Variants in TRERF1 observed in about 807,000 individuals in gnomAD.
TRERF1 encodes transcriptional regulating factor 1.
In TRERF1, 27 loss-of-function variants were observed where a neutral mutation model predicts 122.9. The ratio of observed to expected loss-of-function variants is 0.22; its 90% confidence interval spans 0.16 to 0.30. The LOEUF (loss-of-function observed/expected upper bound fraction) is 0.30, where lower values mean the gene tolerates loss of function less well. Among genes scored for constraint, TRERF1 ranks in the 10% least tolerant of loss-of-function variants. The pLI, the probability that TRERF1 is intolerant of heterozygous loss-of-function variation, is 1.00. For synonymous variants in TRERF1, 636 were observed against 641.7 expected (o/e 0.99, Z 0.13); for missense variants, 1,248 against 1,560.3 (o/e 0.80, Z 3.37).
At position 42,268,422 on chromosome 6, in the gene TRERF1, AG is replaced by A; in HGVS notation, c.1168del (p.Leu390SerfsTer18). ...CTGGGACAGGTGGCTCTGCTGGTAG[AG>A]GGGGTGGCTGTAGGGCTGCTGGGGC... On this transcript the variant is annotated frameshift_variant, in exon 5 of 18. Coordinates refer to ENST00000372922, the Ensembl canonical transcript of TRERF1. LOFTEE classifies it high-confidence loss of function. This position sits in a 1 kb window ranked among gnomAD's most constrained non-coding sequence, Gnocchi z 4.4. 1 of 1,561,320 alleles carries A rather than the reference AG, an allele frequency of 6.4e-7. No individual in the cohort carries two copies. The highest frequency in any genetic ancestry group is 8.7e-7 in the Non-Finnish European group (1 of 1,153,668).
At chr6:42,332,338 C>T (rs1048395471) in intron 3 of TRERF1, among the ~76,000 whole-genome samples, 12 of 152,330 alleles carry the variant, frequency 7.9e-5, no homozygotes, top group South Asian at 2.1e-4. Context: ...CCCAAGAACG[C>T]GGTGCCCACT....
intron 2 of TRERF1, among the ~76,000 whole-genome samples, chr6:42,380,445 T>C (rs556224846): frequency 2.6e-5 from 4 of 152,350 alleles, no homozygotes; most frequent in Admixed American, 1.3e-4. Context: ...AAGCCCAGCA[T>C]AGCCTCTAAG....
intron 2 of TRERF1, among the ~76,000 whole-genome samples, chr6:42,416,933 T>C (rs1264423239): frequency 6.6e-6 from 1 of 152,180 alleles, no homozygotes; most frequent in Non-Finnish European, 1.5e-5. Context: ...TTTCATGTTA[T>C]ATAAACTATT....
At chr6:42,288,852 CA>C (rs1352272561) in intron 4 of TRERF1, among the ~76,000 whole-genome samples, 1 of 152,024 alleles carries the variant, frequency 6.6e-6, no homozygotes, top group South Asian at 2.1e-4. Context: ...TGAAACTGGA[CA>C]GGGGGCAAGG....
At chr6:42,405,811 A>AATAT (rs1780102809) in intron 2 of TRERF1, among the ~76,000 whole-genome samples, 1 of 151,238 alleles carries the variant, frequency 6.6e-6, no homozygotes, top group South Asian at 2.1e-4. Context: ...AAAAAAATTA[A>AATAT]AAAAATTAAA....
chr6:42,312,614 G>A (rs1162314463), intron 3 of TRERF1, among the ~76,000 whole-genome samples: 1 of 152,218 alleles, frequency 6.6e-6, no homozygotes, highest in South Asian at 2.1e-4. Flanking sequence ...GTGTGCCGAG[G>A]TCTGGGCATC....
intron 2 of TRERF1, among the ~76,000 whole-genome samples, chr6:42,429,605 T>G (rs1038516506): frequency 3.3e-5 from 5 of 152,134 alleles, no homozygotes; most frequent in African/African-American, 1.2e-4. Context: ...GCAAAGAGAT[T>G]ATCCAGATCC....
At position 42,363,338 on chromosome 6, in the gene TRERF1, T is replaced by C. The variant is rs535537733; in HGVS notation, c.-453-259A>G. On this transcript the variant is annotated intron_variant, in intron 2 of 17. Transcript: ENST00000372922. ...AACCCAAGTCATCATGGCTTTCCTC[T>C]TTCCCTCACACCCCACGTCTAATCC... Among the ~76,000 whole-genome samples the C allele has an allele frequency of 2.8e-4, 42 of 152,288 alleles. 1 individual carries two copies. In the South Asian group the frequency reaches 8.3e-3, roughly 30 times the overall value.
chr6:42,411,992 A>T (rs936747718), intron 2 of TRERF1, among the ~76,000 whole-genome samples: 158 of 127,852 alleles, frequency 1.2e-3, no homozygotes, highest in African/African-American at 4.3e-3. Flanking sequence ...GAATTTTTTT[A>T]AAAAATCCTT....
At chr6:42,369,023 C>T (rs1221858271) in intron 2 of TRERF1, among the ~76,000 whole-genome samples, 2 of 152,136 alleles carry the variant, frequency 1.3e-5, no homozygotes, top group Admixed American at 6.5e-5. Context: ...CCAGGCTCCC[C>T]AAGATTCTGA....
intron 2 of TRERF1, among the ~76,000 whole-genome samples, chr6:42,439,371 G>A (rs1422379978): frequency 6.6e-6 from 1 of 152,168 alleles, no homozygotes; most frequent in Non-Finnish European, 1.5e-5. Flanking sequence ...GTACGTACCA[G>A]GCCCCAGGAT....
At chr6:42,389,326 G>C (rs1010400243) in intron 2 of TRERF1, among the ~76,000 whole-genome samples, 2 of 152,208 alleles carry the variant, frequency 1.3e-5, no homozygotes, top group African/African-American at 4.8e-5. Flanking sequence ...TGGCCCTAGA[G>C]AGACATTCTA....
At chr6:42,260,091 G>A (rs1777558625) in intron 8 of TRERF1, among the ~76,000 whole-genome samples, 1 of 151,954 alleles carries the variant, frequency 6.6e-6, no homozygotes, top group Non-Finnish European at 1.5e-5. Context: ...CCCCAGGGAC[G>A]GACATCAGGA....
At chr6:42,437,321 C>T (rs1239200690) in intron 2 of TRERF1, among the ~76,000 whole-genome samples, 3 of 152,162 alleles carry the variant, frequency 2.0e-5, no homozygotes, top group Non-Finnish European at 4.4e-5. Context: ...CGTGTGTGAA[C>T]CACGCACCCA....
chr6:42,364,715 G>A (rs548450693), intron 2 of TRERF1, among the ~76,000 whole-genome samples: 1 of 152,220 alleles, frequency 6.6e-6, no homozygotes, highest in Non-Finnish European at 1.5e-5. Context: ...AAACCCACCG[G>A]GTCCCTGCTC....
chr6:42,277,956 A>AGAAGAAGAAGAAGAAGAAGAG (rs1781574435), intron 4 of TRERF1, among the ~76,000 whole-genome samples: 1 of 148,838 alleles, frequency 6.7e-6, no homozygotes, highest in African/African-American at 2.5e-5. Flanking sequence ...AAGAAGAAGA[A>AGAAGAAGAAGAAGAAGAAGAG]GAAGAAGAAG....
At chr6:42,300,603 T>C (rs916838350) in intron 4 of TRERF1, 35 bp downstream of exon 4, 3 of 152,604 alleles carry the variant, frequency 2.0e-5, no homozygotes, top group Non-Finnish European at 4.4e-5. Context: ...AAATGAAAAT[T>C]CCTCAGCCTT....
intron 3 of TRERF1, among the ~76,000 whole-genome samples, chr6:42,333,061 G>A (rs1232153851): frequency 1.3e-5 from 2 of 152,176 alleles, no homozygotes; most frequent in Non-Finnish European, 2.9e-5. Flanking sequence ...GGTTAATAGG[G>A]AAGTTGAGTG....
chr6:42,390,569 GGTATCACT>G (rs1777558830), intron 2 of TRERF1, among the ~76,000 whole-genome samples: 1 of 152,152 alleles, frequency 6.6e-6, no homozygotes, highest in Non-Finnish European at 1.5e-5. Context: ...CGTTCGCACT[GGTATCACT>G]GTAAGGTTTC....
Sources: allele counts gnomAD v4.1 joint callset (sites outside exome capture counted in the v4.1 genomes callset), GRCh38; gene constraint gnomAD v4.1.1; non-coding constraint Gnocchi (gnomAD v3.1); transcripts MANE v1.5; gene names NCBI Gene and HGNC (gene_info 2026-07-23, HGNC 2026-07-21).